The following ALMS1 variants were observed in gnomAD, a reference collection of about 807,000 sequenced individuals.
ALMS1 encodes the protein centrosome-associated protein ALMS1.
ALMS1 carries 271 observed loss-of-function variants against 352.2 expected under a neutral mutation model. The ratio of observed to expected loss-of-function variants is 0.77; its 90% CI spans 0.70 to 0.85. The LOEUF (loss-of-function observed/expected upper bound fraction) is 0.85, where lower values mean the gene tolerates loss of function less well. ALMS1 is among the 40% of genes least tolerant of loss of function. ALMS1 has a pLI of 0.00. For synonymous variants in ALMS1, 1,865 were observed against 1,761.2 expected (o/e 1.06, Z -1.48); for missense variants, 5,445 against 4,870.7 (o/e 1.12, Z -3.51).
intron 2 of ALMS1, among the ~76,000 whole-genome samples, chr2:73,415,612 A>G (rs1441328983): frequency 2.0e-5 from 3 of 152,182 alleles, no homozygotes; most frequent in East Asian, 3.9e-4. Context: ...TGAGGAGGGA[A>G]GGTATGAAAT....
At chr2:73,508,091 GTTTTCTTTTCTC>G (rs762603707) in intron 10 of ALMS1, among the ~76,000 whole-genome samples, 223 of 151,414 alleles carry the variant, frequency 1.5e-3, no homozygotes, top group South Asian at 5.4e-3. Context: ...GCGGTTTTGA[GTTTTCTTTTCTC>G]TTTTCTTTTC....
chr2:73,471,475 C>T (rs1363993338), intron 9 of ALMS1, among the ~76,000 whole-genome samples: 2 of 123,286 alleles, frequency 1.6e-5, no homozygotes, highest in African/African-American at 6.7e-5. Context: ...ATATAAGGAA[C>T]ACCTGCAACT....
chr2:73,479,871 C>A (rs894355103), intron 9 of ALMS1, among the ~76,000 whole-genome samples: 4 of 152,108 alleles, frequency 2.6e-5, no homozygotes, highest in South Asian at 2.1e-4. Context: ...TCCATATCCT[C>A]ACCAGCATTT....
At chr2:73,411,938 T>C (rs548362255) in intron 2 of ALMS1, among the ~76,000 whole-genome samples, 3 of 152,342 alleles carry the variant, frequency 2.0e-5, no homozygotes, top group South Asian at 2.1e-4. Context: ...TTACTACAAA[T>C]GTCTCGTCCT....
chr2:73,516,644 A>G (rs902461814), intron 10 of ALMS1, among the ~76,000 whole-genome samples: 2 of 152,102 alleles, frequency 1.3e-5, no homozygotes, highest in Admixed American at 1.3e-4. Flanking sequence ...AGCTCTTTAG[A>G]CTCTTTGCCC....
intron 10 of ALMS1, among the ~76,000 whole-genome samples, chr2:73,511,252 A>G (rs921941045): frequency 3.3e-5 from 5 of 149,790 alleles, no homozygotes; most frequent in African/African-American, 1.2e-4. Context: ...AAACTCCTGC[A>G]ACTATCTCGG....
chr2:73,465,179 AGT>A (rs1558656631), intron 9 of ALMS1, among the ~76,000 whole-genome samples: 6 of 152,178 alleles, frequency 3.9e-5, no homozygotes, highest in African/African-American at 1.4e-4. Context: ...TGCATCGCCA[AGT>A]CAATCCTAAG....
intron 15 of ALMS1, among the ~76,000 whole-genome samples, chr2:73,566,507 G>A (rs1481598724): frequency 4.6e-5 from 7 of 152,316 alleles, no homozygotes; most frequent in African/African-American, 1.2e-4. Flanking sequence ...TCACAACGAC[G>A]TGCAATTTAA....
Position 73,451,544 on chromosome 2 carries a change from A to G in ALMS1, c.5017A>G (p.Ile1673Val), listed in dbSNP as rs773107767. The change falls in exon 8 of 23, where the codon ATT becomes GTT. Residue 1673 changes from isoleucine (I) to valine (V), a missense_variant. Transcript: ENST00000613296. ...TSYSNRGKPV[I>V]FYQQTLSDSH... ...CTACTCAAATAGGGGGAAGCCTGTC[A>G]TTTTCTACCAGCAGACCCTATCAGA... 1.9e-6 allele frequency: 3 copies of G among 1,613,706 alleles called. No homozygotes were observed. The highest frequency in any genetic ancestry group is 2.7e-5 in the African/African-American group (2 of 74,822).
Position 73,450,403 on chromosome 2 carries a change from G to A in ALMS1, c.3876G>A (p.Lys1292=). 2 of 1,613,116 alleles carry A rather than the reference G, an allele frequency of 1.2e-6. No individual in the cohort carries two copies. Among genetic ancestry groups the A allele is most frequent in the Non-Finnish European group, 1.7e-6 (2 of 1,179,848 alleles). ...TSTSYSQYRE[K]PSIFYQQSLP... ...CTTCCTACTCACAATATAGAGAGAA[G>A]CCCAGCATTTTCTACCAACAGTCGT... Residue 1292 remains lysine, a synonymous_variant, in exon 8 of 23, where the codon AAG becomes AAA. Coordinates refer to ENST00000613296, the MANE Select transcript of ALMS1 (RefSeq NM_001378454.1).
rs777417815 is a variant in ALMS1 at position 73,558,984 on chromosome 2, C to T, written c.10226C>T (p.Ala3409Val). 1.2e-6 allele frequency: 2 copies of T among 1,613,868 alleles called. No homozygotes were observed. Among genetic ancestry groups the T allele is most frequent in the Admixed American group, 1.7e-5 (1 of 59,992 alleles). The change falls in exon 15 of 23, where the codon GCT (alanine) becomes GTT (valine). Residue 3409 changes from alanine to valine, a missense_variant. By Grantham distance (64) the Ala-to-Val change is moderately conservative (BLOSUM62 0). Transcript: ENST00000613296. ...TTCCCTTTCGTAGATTCCAGTGCTG[C>T]TGCTGCTGCAGAGCACTCAGCTCAA... is the stretch of plus-strand genomic sequence containing the variant. ...LQKDTADSSA[A>V]AAAEHSAQVG...
intron 11 of ALMS1, among the ~76,000 whole-genome samples, chr2:73,530,720 CA>C (rs1330006844): frequency 6.6e-6 from 1 of 152,250 alleles, no homozygotes; most frequent in Non-Finnish European, 1.5e-5. Flanking sequence ...GCCCCTGCAG[CA>C]GACTTCTTCC....
intron 1 of ALMS1, among the ~76,000 whole-genome samples, chr2:73,395,526 T>C (rs1163462374): frequency 1.3e-5 from 2 of 152,192 alleles, no homozygotes; most frequent in Non-Finnish European, 1.5e-5. Flanking sequence ...TCTTAAATTC[T>C]TCAAAATACT....
At chr2:73,504,594 T>C (rs1293744699) in intron 10 of ALMS1, among the ~76,000 whole-genome samples, 1 of 152,220 alleles carries the variant, frequency 6.6e-6, no homozygotes, top group African/African-American at 2.4e-5. Context: ...TCCATTCAAC[T>C]TGTGTGTATC....
intron 12 of ALMS1, among the ~76,000 whole-genome samples, chr2:73,548,966 G>C (rs1176848694): frequency 1.3e-5 from 2 of 152,162 alleles, no homozygotes; most frequent in Non-Finnish European, 2.9e-5. Context: ...AAGTTGAGAA[G>C]AACCCAATAT....
chr2:73,575,681 G>C (rs950349461), intron 16 of ALMS1, among the ~76,000 whole-genome samples: 2 of 151,846 alleles, frequency 1.3e-5, no homozygotes, highest in African/African-American at 4.8e-5. Flanking sequence ...TTGATTTTTT[G>C]GTTTTTGAGT....
At chr2:73,603,712 T>G (rs1285093158) in intron 21 of ALMS1, 2 of 254,800 alleles carry the variant, frequency 7.8e-6, no homozygotes, top group Non-Finnish European at 1.5e-5. Flanking sequence ...ATACAAAAAT[T>G]AGCTGGGTGT....
chr2:73,584,089 T>C (rs1384042630), intron 16 of ALMS1, among the ~76,000 whole-genome samples: 2 of 152,218 alleles, frequency 1.3e-5, no homozygotes, highest in Non-Finnish European at 2.9e-5. Context: ...TTAACTAATA[T>C]GCTTCAACCA....
intron 10 of ALMS1, among the ~76,000 whole-genome samples, chr2:73,494,331 TG>T (rs1286211153): frequency 1.3e-5 from 2 of 152,212 alleles, no homozygotes; most frequent in Non-Finnish European, 2.9e-5. Context: ...TTGGGGGATA[TG>T]TTAGAGGTTG....
Sources: gnomAD v4.1 joint callset for allele counts (sites outside exome capture counted in the v4.1 genomes callset) on GRCh38, gnomAD v4.1.1 for gene constraint, MANE v1.5 for transcripts, NCBI Gene and HGNC (gene_info 2026-07-23, HGNC 2026-07-21) for gene names.